ARHGAP36: variants seen among roughly 807,000 people sequenced by gnomAD.
ARHGAP36 encodes the protein rho GTPase-activating protein 36.
ARHGAP36 carries 7 observed loss-of-function variants against 32.9 expected under a neutral mutation model. The ratio of observed to expected loss-of-function variants is 0.21; its 90% CI spans 0.12 to 0.40. The LOEUF is 0.40. Among genes scored for constraint, ARHGAP36 ranks in the 10% least tolerant of loss-of-function variants. The probability of loss-of-function intolerance (pLI) is 1.00; values close to 1 mark genes in which losing one functional copy is unlikely to be tolerated. For missense variants in ARHGAP36, 383 were observed against 442.2 expected, an observed-to-expected ratio of 0.87 and a Z score of 1.20; for synonymous variants, 165 against 168.3, an observed-to-expected ratio of 0.98 and a Z score of 0.15.
intron 11 of ARHGAP36, 90 bp downstream of exon 11, chrX:131,086,755 G>A (rs760555607): frequency 1.3e-6 from 1 of 757,081 alleles, no homozygotes; most frequent in Non-Finnish European, 2.0e-6. Context: ...CGTTGCTGAA[G>A]ATGAGCCCCT....
At chrX:131,060,108 C>T (rs1185437126) in intron 1 of ARHGAP36, among the ~76,000 whole-genome samples, 3 of 111,728 alleles carry the variant, frequency 2.7e-5, no homozygotes, top group Non-Finnish European at 3.8e-5. Flanking sequence ...GTCCCATCCC[C>T]TACTCACCCT....
In ARHGAP36 at chrX:131,080,754, T is replaced by C. The variant is rs147903459; in HGVS notation, c.-142-770T>C. Among the ~76,000 whole-genome samples, 423 of 112,701 alleles carry C rather than the reference T, an allele frequency of 3.8e-3. 2 individuals carry two copies. Among genetic ancestry groups the C allele is most frequent in the African/African-American group, 0.013 (410 of 31,044 alleles). ...TTGTTGGTTTTGGTACAAATGATTT[T>C]TTTATGAAAAAGTAATATAATGAAG... is the stretch of plus-strand genomic sequence containing the variant. On this transcript the variant is annotated intron_variant, in intron 1 of 11. Transcript: ENST00000276211.
At chrX:131,071,334 A>T (rs2079732566) in intron 1 of ARHGAP36, among the ~76,000 whole-genome samples, 1 of 111,187 alleles carries the variant, frequency 9.0e-6, no homozygotes, top group Non-Finnish European at 1.9e-5. Context: ...CACTTACAGC[A>T]GGAGGAGAGG....
chrX:131,081,084 T>C (rs1026434345), intron 1 of ARHGAP36, among the ~76,000 whole-genome samples: 1 of 111,154 alleles, frequency 9.0e-6, no homozygotes, highest in Non-Finnish European at 1.9e-5. Context: ...TTATGGTTTA[T>C]GTGGATATGC....
chrX:131,072,204 C>G (rs1281959618), intron 1 of ARHGAP36, among the ~76,000 whole-genome samples: 1 of 111,344 alleles, frequency 9.0e-6, no homozygotes. Flanking sequence ...GGGTGGGAGA[C>G]CATTGCCAGC....
chrX:131,081,423 T>G, intron 1 of ARHGAP36, 101 bp from the exon 2 acceptor site: 4 of 632,275 alleles, frequency 6.3e-6, no homozygotes, highest in East Asian at 4.7e-5. Context: ...TTCTTCTTAT[T>G]TTCTCTCTTT....
intron 1 of ARHGAP36, among the ~76,000 whole-genome samples, chrX:131,080,858 G>A (rs938166176): frequency 1.8e-5 from 2 of 111,694 alleles, no homozygotes; most frequent in African/African-American, 3.3e-5. Context: ...GTTAGCATTT[G>A]GGTGCATTTC....
chrX:131,074,876 T>C (rs2079753020), intron 1 of ARHGAP36, among the ~76,000 whole-genome samples: 1 of 112,227 alleles, frequency 8.9e-6, no homozygotes, highest in South Asian at 3.7e-4. Context: ...GCCAGTTAGC[T>C]TTTATCTACA....
In ARHGAP36 at chrX:131,086,382, G is replaced by A. The variant is rs768126902; in HGVS notation, c.1335G>A (p.Pro445=). 17 of 1,210,289 alleles carry A rather than the reference G, an allele frequency of 1.4e-5. No individual in the cohort carries two copies. Among genetic ancestry groups the A allele is most frequent in the Middle Eastern group, 2.3e-4 (1 of 4,375 alleles). The change falls in exon 10 of 12, where the codon CCG becomes CCA. Residue 445 remains proline, a synonymous_variant. Coordinates refer to ENST00000276211, the MANE Select transcript of ARHGAP36 (RefSeq NM_144967.4). ...CTAAGCGCGTGTGGAAGTCCAGCCC[G>A]GAAGCACTTGATTTTATCAGACGCA... ...QVAKRVWKSS[P]EALDFIRRRN...
rs892288468 is a variant in ARHGAP36, at chrX:131,084,029, G to A, written c.555+60G>A. On this transcript the variant is annotated intron_variant, in intron 4 of 11. Transcript: ENST00000276211. The stretch of plus-strand genomic sequence containing the variant: ...TCTCCTGAGGTATGCAGGAATGTGA[G>A]GCCGGAGGATCAAGGCCTGTGCCCT... 2.6e-6 allele frequency: 3 copies of A among 1,147,700 alleles called. No individual in the cohort carries two copies. In the African/African-American group the frequency reaches 5.4e-5, roughly 21 times the overall value. The allele number at this position is 1,147,700 out of a possible 1,213,427, so 94.6% of individuals were successfully genotyped here. A position where few individuals can be genotyped will look rare whatever the true frequency, so the allele number is the denominator to read the frequency against.
chrX:131,068,067 C>T (rs1194457305), intron 1 of ARHGAP36, among the ~76,000 whole-genome samples: 1 of 111,680 alleles, frequency 9.0e-6, no homozygotes, highest in African/African-American at 3.3e-5. Context: ...CCACTATAAT[C>T]GGGCAGAAAC....
chrX:131,058,377 A>G lies in ARHGAP36; in HGVS notation c.-210A>G. On this transcript the variant is annotated 5_prime_UTR_variant, in exon 1 of 12. Transcript: ENST00000276211. Reference sequence around the variant, plus strand: ...GTTAACTGCGAGCTGCCGGGCACTCAGCGCGGGTCATGGCGTGGATACTGG... The same window carrying G: ...GTTAACTGCGAGCTGCCGGGCACTCGGCGCGGGTCATGGCGTGGATACTGG... 8.9e-7 allele frequency: 1 copy of G among 1,126,563 alleles called. No homozygotes were observed. Among genetic ancestry groups the G allele is most frequent in the Non-Finnish European group, 1.2e-6 (1 of 853,366 alleles). 92.8% of individuals were successfully genotyped at this position (1,126,563 alleles called of 1,213,427 possible).
chrX:131,086,306 A>G, intron 9 of ARHGAP36, 23 bp from the exon 10 acceptor site: 4 of 1,198,594 alleles, frequency 3.3e-6, no homozygotes, highest in Non-Finnish European at 4.5e-6. Flanking sequence ...AATGATGGCT[A>G]ATGTTGCTAA....
In ARHGAP36 at chrX:131,086,640, T is replaced by G; in HGVS notation, c.1461T>G (p.Leu487=). The G allele has an allele frequency of 8.3e-7, 1 of 1,211,869 alleles. No homozygotes were observed. Among genetic ancestry groups the G allele is most frequent in the Non-Finnish European group, 1.1e-6 (1 of 895,475 alleles). ...CTGCTGAAGCCCGGGCTGCTGTCCT[T>G]GCTCAAAGCAAGCCTTCTGATGAAG... ...ETSAEARAAV[L]AQSKPSDEGS... is the part of the protein sequence containing the mutation. Residue 487 remains leucine, a synonymous_variant, in exon 11 of 12, where the codon CTT becomes CTG. Transcript: ENST00000276211.
chrX:131,074,421 A>C (rs1276683403), intron 1 of ARHGAP36, among the ~76,000 whole-genome samples: 2 of 108,422 alleles, frequency 1.8e-5, no homozygotes, highest in Admixed American at 1.0e-4. Context: ...GTGTACATGG[A>C]TGTCTGTGAG....
At position 131,083,859 on chromosome X, in the gene ARHGAP36, C is replaced by G; in HGVS notation, c.445C>G (p.Arg149Gly). 1.6e-6 allele frequency: 2 copies of G among 1,212,304 alleles called. No homozygotes were observed. The highest frequency in any genetic ancestry group is 1.8e-5 in the South Asian group (1 of 57,022). ...AGAAGCCACCGGTCAGGCTGCGGGC[C>G]GTCGTCGGGGAAACGTGGTGCGAAG... ...VEEATGQAAG[R>G]RRGNVVRRVF... is the part of the protein sequence containing the mutation. The change falls in exon 4 of 12, where the codon CGT (arginine) becomes GGT (glycine). Residue 149 changes from arginine (R) to glycine (G), a missense_variant. By Grantham distance (125) the Arg-to-Gly change is moderately radical. Transcript: ENST00000276211.
intron 1 of ARHGAP36, among the ~76,000 whole-genome samples, chrX:131,063,548 G>GAT (rs2079680682): frequency 9.0e-6 from 1 of 111,524 alleles, no homozygotes; most frequent in Non-Finnish European, 1.9e-5. Flanking sequence ...GTTAGTGAAG[G>GAT]TAGCATGCAG....
intron 1 of ARHGAP36, among the ~76,000 whole-genome samples, chrX:131,073,827 G>A (rs1408978899): frequency 9.0e-6 from 1 of 111,026 alleles, no homozygotes; most frequent in South Asian, 3.9e-4. Context: ...ATTTTGAATG[G>A]GGATGGATAG....
Position 131,058,418 on chromosome X carries a change from C to T in ARHGAP36, c.-169C>T, listed in dbSNP as rs1447210813. 2 of 1,098,859 alleles carry T rather than the reference C, an allele frequency of 1.8e-6. No individual in the cohort carries two copies. The highest frequency in any genetic ancestry group is 2.4e-6 in the Non-Finnish European group (2 of 837,416). 90.6% of individuals were successfully genotyped at this position (1,098,859 alleles called of 1,213,427 possible). On this transcript the variant is annotated 5_prime_UTR_variant, in exon 1 of 12. Coordinates refer to ENST00000276211, the MANE Select transcript of ARHGAP36 (RefSeq NM_144967.4). ...TGGATACTGGACTGCCTTTTCGCCT[C>T]GGCCTTTGAGCCCCGCCCCCGCCGT...
Sources: allele counts gnomAD v4.1 joint callset (sites outside exome capture counted in the v4.1 genomes callset), GRCh38; gene constraint gnomAD v4.1.1; transcripts MANE v1.5; gene names NCBI Gene and HGNC (gene_info 2026-07-23, HGNC 2026-07-21).